The following DCDC1 variants were observed in gnomAD, a reference collection of about 807,000 sequenced individuals.
The protein encoded by DCDC1 is doublecortin domain containing 1.
DCDC1 carries 200 observed loss-of-function variants against 178.3 expected under a neutral mutation model. The ratio of observed to expected loss-of-function variants is 1.12; its 90% CI spans 1.00 to 1.26. The LOEUF (loss-of-function observed/expected upper bound fraction) is 1.26, where lower values mean the gene tolerates loss of function less well. Ranked by LOEUF, DCDC1 falls within the 50% of genes most tolerant of loss-of-function variation. The pLI is 0.00. For synonymous variants in DCDC1, 690 were observed against 604.8 expected (o/e 1.14, Z -2.07); for missense variants, 1,983 against 1,749.2 (o/e 1.13, Z -2.38).
At chr11:31,254,865 G>T (rs1305378818) in intron 8 of DCDC1, among the ~76,000 whole-genome samples, 2 of 152,098 alleles carry the variant, frequency 1.3e-5, no homozygotes, top group Non-Finnish European at 2.9e-5. Context: ...GATTCAAAAT[G>T]TGCAACCACC....
At chr11:31,342,754 C>T (rs1482339568) in intron 1 of DCDC1, among the ~76,000 whole-genome samples, 1 of 152,030 alleles carries the variant, frequency 6.6e-6, no homozygotes, top group Non-Finnish European at 1.5e-5. Context: ...AAGAGTAAAA[C>T]CACTTGCAGA....
chr11:31,123,600 G>A (rs200207437), intron 11 of DCDC1, among the ~76,000 whole-genome samples: 1 of 151,736 alleles, frequency 6.6e-6, no homozygotes, highest in East Asian at 1.9e-4. Context: ...ATTTTTCTAA[G>A]CCTGAGAATG....
intron 21 of DCDC1, among the ~76,000 whole-genome samples, chr11:30,935,856 G>A (rs768272683): frequency 6.6e-6 from 1 of 152,072 alleles, no homozygotes; most frequent in Non-Finnish European, 1.5e-5. Context: ...CTGGCCTCAT[G>A]TTTTCTTTTT....
chr11:31,349,246 C>T (rs1289107162), intron 1 of DCDC1, among the ~76,000 whole-genome samples: 1 of 152,178 alleles, frequency 6.6e-6, no homozygotes, highest in Non-Finnish European at 1.5e-5. Flanking sequence ...ATTCTTATCA[C>T]TTTATTATCC....
intron 6 of DCDC1, among the ~76,000 whole-genome samples, 187 bp downstream of exon 6, chr11:31,305,428 G>T (rs1428500501): frequency 6.6e-6 from 1 of 152,054 alleles, no homozygotes; most frequent in Non-Finnish European, 1.5e-5. Context: ...CTAATGAAGG[G>T]CAATAAACGT....
intron 7 of DCDC1, among the ~76,000 whole-genome samples, chr11:31,277,331 T>C (rs902437029): frequency 2.0e-5 from 3 of 152,146 alleles, no homozygotes; most frequent in African/African-American, 7.2e-5. Flanking sequence ...CACAGGTATA[T>C]GGACTTTTTT....
At chr11:30,947,037 T>A (rs1948096469) in intron 21 of DCDC1, among the ~76,000 whole-genome samples, 1 of 152,178 alleles carries the variant, frequency 6.6e-6, no homozygotes. Context: ...AAACAGACTA[T>A]CTCAAACATT....
intron 2 of DCDC1, among the ~76,000 whole-genome samples, chr11:31,331,057 T>C (rs1949955184): frequency 6.6e-6 from 1 of 152,200 alleles, no homozygotes; most frequent in African/African-American, 2.4e-5. Flanking sequence ...TGTCCTCTTT[T>C]ATTTCTTTGA....
At chr11:31,037,502 G>C (rs900991973) in intron 20 of DCDC1, among the ~76,000 whole-genome samples, 3 of 147,972 alleles carry the variant, frequency 2.0e-5, no homozygotes, top group Non-Finnish European at 4.4e-5. Context: ...GCGCGATCTC[G>C]GCTCACTGCA....
chr11:31,107,442 T>C (rs544836134), intron 12 of DCDC1, among the ~76,000 whole-genome samples: 1 of 152,310 alleles, frequency 6.6e-6, no homozygotes, highest in East Asian at 1.9e-4. Flanking sequence ...TAGCCTAAGT[T>C]GGTTCACTTA....
At chr11:31,116,680 A>G (rs1312556196) in intron 11 of DCDC1, among the ~76,000 whole-genome samples, 3 of 152,084 alleles carry the variant, frequency 2.0e-5, no homozygotes, top group African/African-American at 7.2e-5. Flanking sequence ...AAATTTAATT[A>G]AAAATTCATA....
In DCDC1 at chr11:30,905,132, A is replaced by C. The variant is rs750507713; in HGVS notation, c.4137T>G (p.Thr1379=). The change falls in exon 31 of 39, where the codon ACT becomes ACG. Residue 1379 remains threonine (T), a synonymous_variant. Coordinates refer to ENST00000684477, the MANE Select transcript of DCDC1 (RefSeq NM_001387274.1). ...ATAGACGTGCTTGGTAGTAACTTAG[A>C]GTTTTTTCAGCCTTGTCACACGACA... ...VDLSCDKAEK[T]LSYYQARLLS... The C allele has an allele frequency of 1.1e-5, 17 of 1,609,600 alleles. No homozygotes were observed. In the African/African-American group the frequency reaches 1.9e-4, roughly 18 times the overall value.
intron 9 of DCDC1, among the ~76,000 whole-genome samples, chr11:31,183,048 T>A (rs1969025051): frequency 1.3e-5 from 2 of 151,336 alleles, no homozygotes; most frequent in South Asian, 2.1e-4. Context: ...ACAAGAAGAG[T>A]TAACTATCCT....
At chr11:30,968,604 GA>G (rs1347306008) in intron 20 of DCDC1, among the ~76,000 whole-genome samples, 2 of 146,266 alleles carry the variant, frequency 1.4e-5, no homozygotes, top group East Asian at 2.0e-4. Context: ...GTTTATATAA[GA>G]AAAAACAAAG....
At chr11:30,940,970 T>A (rs559090349) in intron 21 of DCDC1, among the ~76,000 whole-genome samples, 1 of 152,236 alleles carries the variant, frequency 6.6e-6, no homozygotes, top group Non-Finnish European at 1.5e-5. Flanking sequence ...ATTTTCATTA[T>A]GCTTTCTTCT....
chr11:31,244,139 T>A (rs908734482), intron 8 of DCDC1, among the ~76,000 whole-genome samples: 1 of 151,706 alleles, frequency 6.6e-6, no homozygotes, highest in South Asian at 2.1e-4. Flanking sequence ...TAAAAAATAA[T>A]AATATTTATT....
chr11:30,867,212 C>T (rs996386256), intron 38 of DCDC1, among the ~76,000 whole-genome samples: 6 of 152,184 alleles, frequency 3.9e-5, no homozygotes, highest in Non-Finnish European at 8.8e-5. Flanking sequence ...TCTAACATTT[C>T]TATTGCACTG....
intron 20 of DCDC1, among the ~76,000 whole-genome samples, chr11:31,051,437 G>A (rs1429352346): frequency 2.0e-5 from 3 of 152,180 alleles, no homozygotes. Flanking sequence ...CCAGCCTTGT[G>A]AGAGACCTAG....
chr11:31,260,719 A>C (rs1944723217), intron 8 of DCDC1, among the ~76,000 whole-genome samples: 1 of 152,186 alleles, frequency 6.6e-6, no homozygotes, highest in African/African-American at 2.4e-5. Flanking sequence ...TGAGAGGGAG[A>C]GTGACTCCTC....
Sources: allele counts gnomAD v4.1 joint callset (sites outside exome capture counted in the v4.1 genomes callset), GRCh38; gene constraint gnomAD v4.1.1; transcripts MANE v1.5; gene names NCBI Gene and HGNC (gene_info 2026-07-23, HGNC 2026-07-21).